The following ZC4H2 variants were observed in gnomAD, a reference collection of about 807,000 sequenced individuals.
The protein encoded by ZC4H2 is zinc finger C4H2-type containing.
For missense variants in ZC4H2, 137 were observed against 173.9 expected (o/e 0.79, Z 1.19); for synonymous variants, 84 against 66.3 (o/e 1.27, Z -1.30).
intron 1 of ZC4H2, among the ~76,000 whole-genome samples, chrX:64,985,060 G>T (rs1332190652): frequency 8.9e-6 from 1 of 112,443 alleles, no homozygotes; most frequent in African/African-American, 3.2e-5. Context: ...GTATTCCATG[G>T]TGTATGTATA....
intron 1 of ZC4H2, among the ~76,000 whole-genome samples, chrX:65,003,315 C>T (rs916966805): frequency 9.0e-6 from 1 of 111,331 alleles, no homozygotes; most frequent in Admixed American, 9.5e-5. Context: ...CACTAAATGC[C>T]CACATCAGAC....
rs6624750 is a variant in ZC4H2, at chrX:65,029,018, A to G, written c.-272+5611T>C. Among the ~76,000 whole-genome samples the G allele has an allele frequency of 1.1e-4, 12 of 111,084 alleles. No individual in the cohort carries two copies. In the East Asian group the frequency reaches 3.4e-3, roughly 32 times the overall value. On this transcript the variant is annotated intron_variant, in intron 1 of 4. Transcript: ENST00000337990. ...GTCTGAGCTAGTAATATATATTTTA[A>G]AGTCATCCATGTGCAGGTAATAGAG...
intron 1 of ZC4H2, among the ~76,000 whole-genome samples, chrX:64,944,955 G>T (rs1238902531): frequency 2.7e-5 from 3 of 112,387 alleles, no homozygotes. Context: ...CTCTAAACTG[G>T]TTATTCTAGT....
intron 1 of ZC4H2, among the ~76,000 whole-genome samples, chrX:64,997,287 A>C (rs1932434983): frequency 8.9e-6 from 1 of 112,462 alleles, no homozygotes; most frequent in Non-Finnish European, 1.9e-5. Flanking sequence ...AGACACACCC[A>C]GATGAACAAA....
At chrX:64,963,814 T>A (rs1245603163) in intron 1 of ZC4H2, among the ~76,000 whole-genome samples, 1 of 111,607 alleles carries the variant, frequency 9.0e-6, no homozygotes, top group African/African-American at 3.2e-5. Flanking sequence ...GAAAACAACC[T>A]AAATGAATGA....
intron 1 of ZC4H2, among the ~76,000 whole-genome samples, chrX:65,000,216 C>T (rs1305497450): frequency 8.9e-6 from 1 of 111,843 alleles, no homozygotes; most frequent in East Asian, 2.8e-4. Flanking sequence ...CTGGTGGGTG[C>T]CCCTCTAGGA....
chrX:64,941,203 A>G (rs1930267339), intron 1 of ZC4H2, among the ~76,000 whole-genome samples: 1 of 111,679 alleles, frequency 9.0e-6, no homozygotes, highest in Non-Finnish European at 1.9e-5. Flanking sequence ...TGTGTCTATT[A>G]TTGGTGTATA....
intron 3 of ZC4H2, 26 bp downstream of exon 3, chrX:64,920,054 TG>T (rs1258899774): frequency 1.7e-6 from 2 of 1,199,957 alleles, no homozygotes; most frequent in African/African-American, 3.5e-5. Context: ...GAGGGTATGT[TG>T]TAGGGACTGG....
rs748182905 is a variant in ZC4H2, at chrX:65,007,487, T to A, written c.-272+27142A>T. On this transcript the variant is annotated intron_variant, in intron 1 of 4. Coordinates refer to the ZC4H2 transcript ENST00000337990. ...GCCCTGGGCAGGCACAGTCATTTTT[T>A]AATTTTCCTCACATATACAGTTGTT... Among the ~76,000 whole-genome samples the A allele has an allele frequency of 2.7e-5, 3 of 112,620 alleles. No homozygotes were observed. In the East Asian group the frequency reaches 8.3e-4, roughly 31 times the overall value.
At chrX:65,004,629 T>C (rs986714885) in intron 1 of ZC4H2, among the ~76,000 whole-genome samples, 1 of 112,077 alleles carries the variant, frequency 8.9e-6, no homozygotes, top group Non-Finnish European at 1.9e-5. Context: ...AATATTGTAC[T>C]ATATGGGCAA....
At chrX:64,990,825 A>G (rs1190676749) in intron 1 of ZC4H2, among the ~76,000 whole-genome samples, 1 of 111,510 alleles carries the variant, frequency 9.0e-6, no homozygotes, top group Non-Finnish European at 1.9e-5. Context: ...ATGCTCACAG[A>G]GAGAAACAAT....
chrX:64,920,188 C>T lies in ZC4H2; in HGVS notation c.291G>A (p.Leu97=). Residue 97 remains leucine (L), a synonymous_variant, in exon 3 of 5, where the codon CTG becomes CTA. Coordinates refer to ENST00000374839, the MANE Select transcript of ZC4H2 (RefSeq NM_018684.4). ...LNKLLESTRR[L]HDEYKPLKEH... The stretch of plus-strand genomic sequence containing the variant: ...CTTTCAGTGGCTTATACTCATCATG[C>T]AGCCTCCTTGTAGACTCTAGCAGCT... 8.3e-7 allele frequency: 1 copy of T among 1,211,520 alleles called. No homozygotes were observed. Among genetic ancestry groups the T allele is most frequent in the South Asian group, 1.8e-5 (1 of 56,909 alleles).
At chrX:65,022,497 A>G (rs1162764451) in intron 1 of ZC4H2, among the ~76,000 whole-genome samples, 1 of 112,181 alleles carries the variant, frequency 8.9e-6, no homozygotes, top group African/African-American at 3.2e-5. Flanking sequence ...AAGAACTCTC[A>G]ATAAACTAGG....
In ZC4H2 at chrX:65,012,382, C is replaced by T. The variant is rs189527326; in HGVS notation, c.-272+22247G>A. Among the ~76,000 whole-genome samples the T allele has an allele frequency of 2.7e-5, 3 of 110,966 alleles. No homozygotes were observed. The Admixed American group carries it at 2.9e-4, about 11-fold the overall frequency. On this transcript the variant is annotated intron_variant, in intron 1 of 4. Transcript: ENST00000337990. ...GCAAGGCACGTTTGGTTGCCAGTTA[C>T]AGAAATTAGCTCAAGTAATTGAGGG...
intron 1 of ZC4H2, chrX:64,922,248 AAAAAAAAAAAAGAAAAAGAAAAAAG>A: frequency 5.6e-6 from 1 of 177,118 alleles, no homozygotes; most frequent in Non-Finnish European, 9.2e-6. Context: ...TTATATCTAC[AAAAAAAAAAAAGAAAAAGAAAAAAG>A]AAAAAAAAAA....
Position 64,916,968 on chromosome X carries a change from G to C in ZC4H2, c.*815C>G, listed in dbSNP as rs1420329443. 1 of 112,283 alleles carries C rather than the reference G, an allele frequency of 8.9e-6. No homozygotes were observed. The highest frequency in any genetic ancestry group is 2.8e-4 in the East Asian group (1 of 3,556). 9.3% of individuals were successfully genotyped at this position (112,283 alleles called of 1,213,427 possible). Reference sequence around the variant, plus strand: ...AAAAGCCAACACAGATGTCAGCCTGGGGGCACTCTCAGCCTAAGGAAGCCC... The same window carrying C: ...AAAAGCCAACACAGATGTCAGCCTGCGGGCACTCTCAGCCTAAGGAAGCCC... On this transcript the variant is annotated 3_prime_UTR_variant, in exon 5 of 5. Coordinates refer to ENST00000374839, the MANE Select transcript of ZC4H2 (RefSeq NM_018684.4).
chrX:64,973,780 C>A (rs1931856727), intron 1 of ZC4H2, among the ~76,000 whole-genome samples: 1 of 111,649 alleles, frequency 9.0e-6, no homozygotes, highest in Admixed American at 9.5e-5. Flanking sequence ...GTTGTCACTT[C>A]TTTTCCTTCA....
At chrX:64,995,793 A>G (rs1932401964) in intron 1 of ZC4H2, among the ~76,000 whole-genome samples, 1 of 112,432 alleles carries the variant, frequency 8.9e-6, no homozygotes, top group Admixed American at 9.4e-5. Context: ...TGCCTGAAGG[A>G]ATGATGCAAG....
chrX:64,919,518 C>A, intron 3 of ZC4H2: 1 of 195,707 alleles, frequency 5.1e-6, no homozygotes. Context: ...TGTCCTAAGG[C>A]CTCTGGTGAC....
Sources: allele counts gnomAD v4.1 joint callset (sites outside exome capture counted in the v4.1 genomes callset), GRCh38; gene constraint gnomAD v4.1.1; transcripts MANE v1.5; gene names NCBI Gene and HGNC (gene_info 2026-07-23, HGNC 2026-07-21).